Variants in ENTREP2 observed in about 807,000 individuals in gnomAD.
ENTREP2 encodes endosomal transmembrane epsin interactor 2, also known as protein ENTREP2.
the ENTREP2 span, chr15:29,123,523 G>C: frequency 1.3e-6 from 2 of 1,551,754 alleles, no homozygotes. Context: ...GTCCACTAAA[G>C]AGCGTGGCCG....
the ENTREP2 span, among the ~76,000 whole-genome samples, chr15:29,152,385 T>C: frequency 6.6e-6 from 1 of 152,188 alleles, no homozygotes; most frequent in African/African-American, 2.4e-5. Context: ...CCCCCAGTGT[T>C]GACCTTTTAT....
chr15:29,254,500 C>CT, the ENTREP2 span, among the ~76,000 whole-genome samples: 1 of 152,122 alleles, frequency 6.6e-6, no homozygotes, highest in Admixed American at 6.5e-5. Flanking sequence ...CTTGTAACAT[C>CT]TTACTGATTT....
At chr15:29,645,588 C>T in the ENTREP2 span, among the ~76,000 whole-genome samples, 32 of 151,548 alleles carry the variant, frequency 2.1e-4, no homozygotes, top group Admixed American at 1.6e-3. Context: ...GACAGAGTCT[C>T]GCTCTGTCAC....
At chr15:29,443,247 C>A in the ENTREP2 span, among the ~76,000 whole-genome samples, 3 of 152,162 alleles carry the variant, frequency 2.0e-5, no homozygotes, top group Non-Finnish European at 2.9e-5. Flanking sequence ...AAAGGAGGGG[C>A]CCTACAGCAC....
At chr15:29,591,167 A>G in the ENTREP2 span, among the ~76,000 whole-genome samples, 127 of 152,336 alleles carry the variant, frequency 8.3e-4, no homozygotes, top group African/African-American at 2.9e-3. Context: ...CTTCTGGGAG[A>G]TGCTGTGGCA....
the ENTREP2 span, among the ~76,000 whole-genome samples, chr15:29,126,049 C>T: frequency 6.6e-6 from 1 of 152,122 alleles, no homozygotes; most frequent in African/African-American, 2.4e-5. Flanking sequence ...TTGAATCCTT[C>T]CTCCCCTGCC....
At chr15:29,659,359 T>A in the ENTREP2 span, among the ~76,000 whole-genome samples, 2 of 152,104 alleles carry the variant, frequency 1.3e-5, no homozygotes, top group Non-Finnish European at 2.9e-5. Context: ...TAATCCCAGC[T>A]ACTCAGGAGG....
At chr15:29,391,569 G>C in the ENTREP2 span, among the ~76,000 whole-genome samples, 1 of 152,114 alleles carries the variant, frequency 6.6e-6, no homozygotes, top group Non-Finnish European at 1.5e-5. Flanking sequence ...GGTCTGTTCT[G>C]ATGCAATGCA....
chr15:29,504,166 G>C, the ENTREP2 span, among the ~76,000 whole-genome samples: 2 of 152,148 alleles, frequency 1.3e-5, no homozygotes, highest in African/African-American at 4.8e-5. Context: ...TCTACTTCTA[G>C]AGACAGGCTC....
chr15:29,627,932 A>C, the ENTREP2 span, among the ~76,000 whole-genome samples: 1 of 152,194 alleles, frequency 6.6e-6, no homozygotes, highest in Non-Finnish European at 1.5e-5. Flanking sequence ...ATTGTGAATA[A>C]TGCTGCTGTG....
chr15:29,275,008 C>T, the ENTREP2 span, among the ~76,000 whole-genome samples: 44,464 of 152,078 alleles, frequency 0.29, 11,932 homozygotes, highest in African/African-American at 0.72. Flanking sequence ...TGTTTCTTTC[C>T]TCTTGGTACA....
the ENTREP2 span, chr15:29,570,441 G>T: frequency 9.3e-7 from 1 of 1,075,036 alleles, no homozygotes; most frequent in Non-Finnish European, 1.2e-6. Flanking sequence ...GGCGGCCGCA[G>T]CGCCTAGCCC....
the ENTREP2 span, among the ~76,000 whole-genome samples, chr15:29,184,785 CTG>C: frequency 6.6e-6 from 1 of 152,172 alleles, no homozygotes; most frequent in Non-Finnish European, 1.5e-5. Flanking sequence ...GTGCCCTGTC[CTG>C]TGGCCCCTCT....
At chr15:29,428,277 G>C in the ENTREP2 span, among the ~76,000 whole-genome samples, 2 of 152,148 alleles carry the variant, frequency 1.3e-5, no homozygotes, top group South Asian at 4.1e-4. Context: ...GAAGTGGTTC[G>C]ATCTTGGCTC....
chr15:29,234,163 A>C, the ENTREP2 span: 1 of 1,591,386 alleles, frequency 6.3e-7, no homozygotes, highest in Non-Finnish European at 8.6e-7. Flanking sequence ...GTTCACTCTC[A>C]GGCCTTGATC....
the ENTREP2 span, among the ~76,000 whole-genome samples, chr15:29,599,290 A>G: frequency 6.6e-6 from 1 of 152,202 alleles, no homozygotes; most frequent in Non-Finnish European, 1.5e-5. Flanking sequence ...GGCTGTATTG[A>G]CCATCTATTC....
the ENTREP2 span, among the ~76,000 whole-genome samples, chr15:29,390,381 C>T: frequency 4.7e-4 from 71 of 151,914 alleles, no homozygotes; most frequent in African/African-American, 1.0e-3. Context: ...ATGGAGAAAA[C>T]GAAGAGGGTT....
chr15:29,159,760 T>C, the ENTREP2 span, among the ~76,000 whole-genome samples: 28 of 152,306 alleles, frequency 1.8e-4, no homozygotes, highest in African/African-American at 6.3e-4. Flanking sequence ...GATTGGTGTG[T>C]TTACAAACCT....
the ENTREP2 span, among the ~76,000 whole-genome samples, chr15:29,647,450 G>A: frequency 9.2e-5 from 14 of 152,074 alleles, no homozygotes; most frequent in African/African-American, 2.7e-4. Flanking sequence ...TAGGTTTCCC[G>A]CAGTGCCCCA....
Sources: gnomAD v4.1 joint callset for allele counts (sites outside exome capture counted in the v4.1 genomes callset) on GRCh38, gnomAD v4.1.1 for gene constraint, MANE v1.5 for transcripts, NCBI Gene and HGNC (gene_info 2026-07-23, HGNC 2026-07-21) for gene names.